SLIT3: variants seen among roughly 807,000 people sequenced by gnomAD.
The protein encoded by SLIT3 is slit homolog 3 protein.
A neutral mutation model predicts 184.0 loss-of-function variants in SLIT3; 68 were observed. That is an observed-to-expected ratio of 0.37 (90% CI 0.30 to 0.45). The LOEUF is 0.45. Among genes scored for constraint, SLIT3 ranks in the 20% least tolerant of loss-of-function variants. The pLI, the probability that SLIT3 is intolerant of heterozygous loss-of-function variation, is 1.00. For synonymous variants in SLIT3, 831 were observed against 828.6 expected (o/e 1.00, Z -0.05); for missense variants, 1,707 against 2,026.0 (o/e 0.84, Z 3.02).
rs192550394 is a variant in SLIT3 at position 168,970,685 on chromosome 5, C to A, written c.414-87349G>T. Among the ~76,000 whole-genome samples the A allele has an allele frequency of 4.1e-4, 63 of 152,252 alleles. 2 individuals are homozygous for A. The highest frequency in any genetic ancestry group is 1.5e-3 in the African/African-American group (62 of 41,538). ...TTTGTTGTGGGGTATCTCAAACTCA[C>A]TCCTGCCCCTGCCCTATTCTATGTA... On this transcript the variant is annotated intron_variant, in intron 4 of 35. Coordinates refer to ENST00000519560, the MANE Select transcript of SLIT3 (RefSeq NM_003062.4).
intron 3 of SLIT3, among the ~76,000 whole-genome samples, chr5:169,203,022 G>T (rs297857): frequency 0.034 from 5,210 of 152,250 alleles, 325 homozygotes; most frequent in African/African-American, 0.12. Flanking sequence ...GAAACGAAGG[G>T]GGTGAGGGAG....
At position 168,885,671 on chromosome 5, in the gene SLIT3, A is replaced by G. The variant is rs185154444; in HGVS notation, c.414-2335T>C. 1.2e-3 allele frequency among the ~76,000 whole-genome samples: 185 copies of G among 152,266 alleles called. 1 individual carries two copies. Among genetic ancestry groups the G allele is most frequent in the African/African-American group, 4.0e-3 (167 of 41,550 alleles). ...GCTCTGGAAGATGAGCCCCAGTCAC[A>G]CTTTTGGAAAATGGTTGATGATCAA... On this transcript the variant is annotated intron_variant, in intron 4 of 35. Coordinates refer to ENST00000519560, the MANE Select transcript of SLIT3 (RefSeq NM_003062.4).
chr5:168,759,463 T>C (rs1219785045), intron 16 of SLIT3, among the ~76,000 whole-genome samples: 1 of 152,194 alleles, frequency 6.6e-6, no homozygotes, highest in Non-Finnish European at 1.5e-5. Flanking sequence ...CATCACAGCC[T>C]TTGCACACTT....
At chr5:169,289,983 G>A (rs950351405) in intron 1 of SLIT3, among the ~76,000 whole-genome samples, 1 of 151,392 alleles carries the variant, frequency 6.6e-6, no homozygotes, top group Non-Finnish European at 1.5e-5. Context: ...ATATGCTAGG[G>A]CACACACTAG....
chr5:168,866,164 C>T (rs1759293312), intron 5 of SLIT3, among the ~76,000 whole-genome samples: 1 of 152,218 alleles, frequency 6.6e-6, no homozygotes, highest in Non-Finnish European at 1.5e-5. Context: ...GTCATGTTTC[C>T]AAAGTGCAGG....
intron 20 of SLIT3, among the ~76,000 whole-genome samples, chr5:168,726,984 C>G (rs1454902525): frequency 6.7e-6 from 1 of 148,266 alleles, no homozygotes; most frequent in African/African-American, 2.5e-5. Flanking sequence ...ACACTCCAGC[C>G]TGGGCGACAA....
chr5:168,687,549 TC>T (rs1432778962), intron 29 of SLIT3, among the ~76,000 whole-genome samples: 2 of 152,182 alleles, frequency 1.3e-5, no homozygotes, highest in African/African-American at 4.8e-5. Flanking sequence ...TGCAGGCACT[TC>T]CCTGAGGACC....
At chr5:168,996,004 G>T (rs1755496033) in intron 4 of SLIT3, among the ~76,000 whole-genome samples, 1 of 152,214 alleles carries the variant, frequency 6.6e-6, no homozygotes, top group Non-Finnish European at 1.5e-5. Flanking sequence ...AGGACATTCA[G>T]TTGGTGACCA....
chr5:169,279,675 T>C (rs975664599), intron 1 of SLIT3, among the ~76,000 whole-genome samples: 1 of 152,240 alleles, frequency 6.6e-6, no homozygotes, highest in African/African-American at 2.4e-5. Context: ...CATTTTATAA[T>C]GTTATCCATA....
rs191685412 is a variant in SLIT3, at chr5:169,225,818, A to T, written c.341+18887T>A. Among the ~76,000 whole-genome samples, 4 of 152,356 alleles carry T rather than the reference A, an allele frequency of 2.6e-5. No individual in the cohort carries two copies. The East Asian group carries it at 7.7e-4, about 29-fold the overall frequency. ...CAGGTGCTACTGAGCCCTGAGCACC[A>T]TGGCAGGGAACCAAAGTTTGGTTTC... is the stretch of plus-strand genomic sequence containing the variant. On this transcript the variant is annotated intron_variant, in intron 3 of 35. Coordinates refer to ENST00000519560, the MANE Select transcript of SLIT3 (RefSeq NM_003062.4).
At chr5:169,135,827 C>T (rs1761482958) in intron 4 of SLIT3, among the ~76,000 whole-genome samples, 1 of 152,158 alleles carries the variant, frequency 6.6e-6, no homozygotes, top group Non-Finnish European at 1.5e-5. Flanking sequence ...CAATGGCAGG[C>T]CAGGAAGGTT....
At chr5:168,812,166 G>A (rs1330964545) in intron 8 of SLIT3, among the ~76,000 whole-genome samples, 1 of 152,180 alleles carries the variant, frequency 6.6e-6, no homozygotes, top group Non-Finnish European at 1.5e-5. Flanking sequence ...TCTCATAGAA[G>A]TAGAAAGGAG....
At chr5:168,849,210 C>T (rs1758589456) in intron 5 of SLIT3, among the ~76,000 whole-genome samples, 1 of 152,174 alleles carries the variant, frequency 6.6e-6, no homozygotes, top group Non-Finnish European at 1.5e-5. Flanking sequence ...GTCTGCACAT[C>T]AGGGGATACC....
At position 169,198,249 on chromosome 5, in the gene SLIT3, G is replaced by A. The variant is rs538325420; in HGVS notation, c.342-4699C>T. On this transcript the variant is annotated intron_variant, in intron 3 of 35. Transcript: ENST00000519560. ...AAAAAATTGCCATGTTCTTGAAAGC[G>A]AAGGTGTCGTGGGAACACAATGGAG... 3.9e-5 allele frequency among the ~76,000 whole-genome samples: 6 copies of A among 152,342 alleles called. No homozygotes were observed. In the East Asian group the frequency reaches 5.8e-4, roughly 15 times the overall value.
intron 4 of SLIT3, among the ~76,000 whole-genome samples, chr5:169,123,892 A>C (rs897402310): frequency 3.3e-5 from 5 of 152,238 alleles, no homozygotes; most frequent in African/African-American, 1.2e-4. Context: ...AAGTGTGCTT[A>C]ATATGGCAGT....
chr5:169,278,219 G>T (rs1009727677), intron 1 of SLIT3, among the ~76,000 whole-genome samples: 4 of 152,128 alleles, frequency 2.6e-5, no homozygotes, highest in Non-Finnish European at 5.9e-5. Context: ...ACAAATAGGG[G>T]GCTTTCCTCC....
intron 16 of SLIT3, among the ~76,000 whole-genome samples, chr5:168,754,969 G>C (rs1234075876): frequency 3.3e-5 from 5 of 152,216 alleles, no homozygotes; most frequent in Admixed American, 6.5e-5. Flanking sequence ...TAGGGCATTT[G>C]TGGAACTTCT....
intron 1 of SLIT3, among the ~76,000 whole-genome samples, chr5:169,255,752 G>A (rs576883428): frequency 1.4e-4 from 21 of 152,120 alleles, no homozygotes; most frequent in South Asian, 1.0e-3. Context: ...GCGTGGTGGC[G>A]GGTGCCTGTT....
At chr5:168,712,748 CCGGA>C in intron 23 of SLIT3, 1 of 173,524 alleles carries the variant, frequency 5.8e-6, no homozygotes, top group Non-Finnish European at 1.2e-5. Flanking sequence ...GTGCTTAAGA[CCGGA>C]AGTTCTGGAG....
Sources: gnomAD v4.1 joint callset for allele counts (sites outside exome capture counted in the v4.1 genomes callset) on GRCh38, gnomAD v4.1.1 for gene constraint, MANE v1.5 for transcripts, NCBI Gene and HGNC (gene_info 2026-07-23, HGNC 2026-07-21) for gene names.